The following AKIRIN2 variants were observed in gnomAD, a reference collection of about 807,000 sequenced individuals.
AKIRIN2 encodes akirin-2.
In AKIRIN2, 6 loss-of-function variants were observed where a neutral mutation model predicts 29.3. The observed-to-expected ratio is 0.20, with a 90% CI of 0.11 to 0.40. The LOEUF is 0.40. Ranked by LOEUF, AKIRIN2 falls within the 10% of genes least tolerant of loss-of-function variation. AKIRIN2 has a pLI of 1.00. For missense variants in AKIRIN2, 210 were observed against 276.1 expected (o/e 0.76, Z 1.70); for synonymous variants, 128 against 117.5 (o/e 1.09, Z -0.58).
chr6:87,687,994 G>A (rs1324241918), intron 1 of AKIRIN2, among the ~76,000 whole-genome samples: 1 of 152,106 alleles, frequency 6.6e-6, no homozygotes, highest in Non-Finnish European at 1.5e-5. Flanking sequence ...TTAGCCAGGT[G>A]CGGTGGCTTG....
At chr6:87,684,651 AACT>A (rs1771162276) in intron 1 of AKIRIN2, among the ~76,000 whole-genome samples, 1 of 152,204 alleles carries the variant, frequency 6.6e-6, no homozygotes, top group African/African-American at 2.4e-5. Context: ...TTTATGTCTG[AACT>A]ACTTTCACTC....
In AKIRIN2 at chr6:87,675,557, A is replaced by C. The variant is rs1476172870; in HGVS notation, c.*40T>G. 1.9e-6 allele frequency: 3 copies of C among 1,613,114 alleles called. No individual in the cohort carries two copies. Among genetic ancestry groups the C allele is most frequent in the Non-Finnish European group, 2.5e-6 (3 of 1,179,080 alleles). ...TAATTGGGACCTCTTGCAACAACTCAACAAGGAACAAGGCAGCCCACAAAT... is the reference window on the plus strand; with the variant it reads ...TAATTGGGACCTCTTGCAACAACTCCACAAGGAACAAGGCAGCCCACAAAT... On this transcript the variant is annotated 3_prime_UTR_variant, in exon 5 of 5. Transcript: ENST00000257787.
intron 1 of AKIRIN2, among the ~76,000 whole-genome samples, chr6:87,688,796 A>T (rs1387696407): frequency 1.3e-5 from 2 of 152,132 alleles, no homozygotes; most frequent in Non-Finnish European, 2.9e-5. Flanking sequence ...GGGGAAATTG[A>T]ACTGCCCCAA....
At position 87,696,344 on chromosome 6, in the gene AKIRIN2, A is replaced by G. The variant is rs921420786; in HGVS notation, c.235+5106T>C. Among the ~76,000 whole-genome samples the G allele has an allele frequency of 3.9e-5, 6 of 152,166 alleles. No individual in the cohort carries two copies. In the East Asian group the frequency reaches 9.6e-4, roughly 24 times the overall value. On this transcript the variant is annotated intron_variant, in intron 1 of 4. Transcript: ENST00000257787. ...CACACCTAAAGAGGGGCTAACCTCT[A>G]ATCTAGCCATGTTTAGCCTATGTGT...
intron 1 of AKIRIN2, among the ~76,000 whole-genome samples, chr6:87,692,982 A>G (rs1771299282): frequency 6.6e-6 from 1 of 152,192 alleles, no homozygotes; most frequent in Non-Finnish European, 1.5e-5. Context: ...TAATCCCAGC[A>G]CTTTGGGAGG....
intron 2 of AKIRIN2, among the ~76,000 whole-genome samples, chr6:87,678,212 C>A (rs1771056764): frequency 6.6e-6 from 1 of 152,148 alleles, no homozygotes; most frequent in African/African-American, 2.4e-5. Context: ...GTAGAAAAAA[C>A]TTTAAGACAT....
intron 1 of AKIRIN2, among the ~76,000 whole-genome samples, chr6:87,699,965 C>A (rs1300880880): frequency 6.6e-6 from 1 of 152,030 alleles, no homozygotes; most frequent in Non-Finnish European, 1.5e-5. Flanking sequence ...TCCAATGATA[C>A]CATTTCACTA....
intron 1 of AKIRIN2, among the ~76,000 whole-genome samples, chr6:87,682,640 C>T (rs1771137467): frequency 6.6e-6 from 1 of 152,174 alleles, no homozygotes; most frequent in South Asian, 2.1e-4. Context: ...CCCAAGTTAA[C>T]AGGTTATCAA....
intron 1 of AKIRIN2, among the ~76,000 whole-genome samples, chr6:87,687,044 C>CAAAAA (rs10652176): frequency 5.9e-5 from 4 of 67,442 alleles, no homozygotes; most frequent in African/African-American, 1.0e-4. Context: ...GACTTAGACT[C>CAAAAA]AAAAAAAAAA....
intron 1 of AKIRIN2, among the ~76,000 whole-genome samples, chr6:87,684,968 T>C (rs1194965537): frequency 1.3e-5 from 2 of 152,208 alleles, no homozygotes; most frequent in Non-Finnish European, 2.9e-5. Flanking sequence ...CAGAGTGATT[T>C]TGTCATTTTG....
chr6:87,695,093 C>A (rs2128302747), intron 1 of AKIRIN2, among the ~76,000 whole-genome samples: 1 of 152,222 alleles, frequency 6.6e-6, no homozygotes, highest in Non-Finnish European at 1.5e-5. Flanking sequence ...CTGTGAAACC[C>A]TTTAAAATGT....
At chr6:87,698,052 T>C (rs1030210108) in intron 1 of AKIRIN2, among the ~76,000 whole-genome samples, 25 of 152,324 alleles carry the variant, frequency 1.6e-4, no homozygotes, top group African/African-American at 5.8e-4. Context: ...TAAATGGTAG[T>C]ATTATGAGAT....
In AKIRIN2 at chr6:87,697,673, G is replaced by A. The variant is rs565041207; in HGVS notation, c.235+3777C>T. On this transcript the variant is annotated intron_variant, in intron 1 of 4. Coordinates refer to ENST00000257787, the MANE Select transcript of AKIRIN2 (RefSeq NM_018064.4). ...TTCATTGAAGCCAGCTGGTGTCTCC[G>A]TTTGCAGGCATGCATCAATGTCTGG... 7.2e-5 allele frequency among the ~76,000 whole-genome samples: 11 copies of A among 152,282 alleles called. No homozygotes were observed. The South Asian group carries it at 2.1e-3, about 29-fold the overall frequency.
intron 1 of AKIRIN2, among the ~76,000 whole-genome samples, chr6:87,687,931 G>A (rs1000657954): frequency 3.3e-5 from 5 of 152,138 alleles, no homozygotes; most frequent in African/African-American, 9.7e-5. Context: ...AGTTGGAGAC[G>A]AGCCTGAGCA....
intron 3 of AKIRIN2, 86 bp downstream of exon 3, chr6:87,677,732 G>A (rs1479121248): frequency 2.7e-5 from 39 of 1,453,884 alleles, no homozygotes; most frequent in Non-Finnish European, 1.1e-5. Flanking sequence ...CCGCACCAGT[G>A]TATAGAAAGT....
chr6:87,689,971 G>A (rs887652006), intron 1 of AKIRIN2, among the ~76,000 whole-genome samples: 2 of 152,138 alleles, frequency 1.3e-5, no homozygotes, highest in African/African-American at 4.8e-5. Flanking sequence ...TAGCACTTTG[G>A]GAGGCCAAGG....
intron 1 of AKIRIN2, among the ~76,000 whole-genome samples, chr6:87,688,212 ACCT>A (rs1227066294): frequency 6.6e-6 from 1 of 151,764 alleles, no homozygotes; most frequent in African/African-American, 2.4e-5. Flanking sequence ...GCTCACTGTA[ACCT>A]CCACCTCCTG....
At chr6:87,693,724 CAAAAAAAAA>C (rs34150167) in intron 1 of AKIRIN2, among the ~76,000 whole-genome samples, 1 of 101,164 alleles carries the variant, frequency 9.9e-6, no homozygotes, top group African/African-American at 3.4e-5. Flanking sequence ...GACTCTGTCT[CAAAAAAAAA>C]AAAAAAAAAG....
At chr6:87,701,350 C>A in intron 1 of AKIRIN2, 100 bp downstream of exon 1, 2 of 1,285,290 alleles carry the variant, frequency 1.6e-6, no homozygotes, top group Non-Finnish European at 2.1e-6. Context: ...ACAAGAACCA[C>A]ACAGTCCGGC....
Sources: allele counts gnomAD v4.1 joint callset (sites outside exome capture counted in the v4.1 genomes callset), GRCh38; gene constraint gnomAD v4.1.1; transcripts MANE v1.5; gene names NCBI Gene and HGNC (gene_info 2026-07-23, HGNC 2026-07-21).